MAGI2: variants seen among roughly 807,000 people sequenced by gnomAD.
MAGI2 encodes the protein membrane associated guanylate kinase, WW and PDZ domain containing 2.
A neutral mutation model predicts 133.3 loss-of-function variants in MAGI2; 35 were observed. That is an observed-to-expected ratio of 0.26 (90% confidence interval 0.20 to 0.35). The LOEUF (loss-of-function observed/expected upper bound fraction) is 0.35, where lower values mean the gene tolerates loss of function less well. Ranked by LOEUF, MAGI2 falls within the 10% of genes least tolerant of loss-of-function variation. The pLI is 1.00. For synonymous variants in MAGI2, 729 were observed against 710.6 expected (o/e 1.03, Z -0.41); for missense variants, 1,636 against 1,863.4 (o/e 0.88, Z 2.25).
intron 6 of MAGI2, among the ~76,000 whole-genome samples, chr7:78,487,591 A>G (rs1451234913): frequency 6.6e-6 from 1 of 152,070 alleles, no homozygotes; most frequent in Non-Finnish European, 1.5e-5. Flanking sequence ...AATGTTTGCC[A>G]ACCTGCACTA....
chr7:78,499,055 AAACAACAACAACAACAAC>A (rs147914906), intron 5 of MAGI2, among the ~76,000 whole-genome samples: 2 of 150,366 alleles, frequency 1.3e-5, no homozygotes, highest in Non-Finnish European at 3.0e-5. Flanking sequence ...CTACAAACTC[AAACAACAACAACAACAAC>A]AACAACAACA....
At chr7:78,654,176 A>G (rs1373406667) in intron 2 of MAGI2, among the ~76,000 whole-genome samples, 1 of 152,192 alleles carries the variant, frequency 6.6e-6, no homozygotes, top group African/African-American at 2.4e-5. Context: ...CTGCCTGGGT[A>G]CAAACCCTGG....
chr7:79,325,247 C>G (rs1179625805), intron 1 of MAGI2, among the ~76,000 whole-genome samples: 1 of 152,044 alleles, frequency 6.6e-6, no homozygotes, highest in Non-Finnish European at 1.5e-5. Flanking sequence ...ACCCTCCACT[C>G]CCACCATCTT....
intron 1 of MAGI2, among the ~76,000 whole-genome samples, chr7:79,064,749 C>G (rs755322994): frequency 3.9e-5 from 6 of 152,042 alleles, no homozygotes; most frequent in Admixed American, 6.6e-5. Context: ...TTAGCAGGGT[C>G]ATTTAGCTTG....
At chr7:78,992,174 CTG>C (rs1337861192) in intron 2 of MAGI2, among the ~76,000 whole-genome samples, 5 of 152,004 alleles carry the variant, frequency 3.3e-5, no homozygotes, top group African/African-American at 4.8e-5. Context: ...TAGACCTTAA[CTG>C]TGATACAGAG....
At chr7:78,204,156 A>G (rs1419444840) in intron 10 of MAGI2, among the ~76,000 whole-genome samples, 2 of 152,136 alleles carry the variant, frequency 1.3e-5, no homozygotes, top group Admixed American at 6.6e-5. Flanking sequence ...GAATTTCCAC[A>G]CTCCATGTGA....
At chr7:78,469,356 G>A (rs1584279255) in intron 6 of MAGI2, among the ~76,000 whole-genome samples, 1 of 152,114 alleles carries the variant, frequency 6.6e-6, no homozygotes, top group African/African-American at 2.4e-5. Flanking sequence ...CTAGAGAGCA[G>A]AGAGAGTCTC....
chr7:78,078,633 G>C, intron 21 of MAGI2: 1 of 492,860 alleles, frequency 2.0e-6, no homozygotes, highest in Non-Finnish European at 3.5e-6. Context: ...AATTGTAACA[G>C]TTCTAATATT....
chr7:78,336,058 T>A (rs997622965), intron 9 of MAGI2, among the ~76,000 whole-genome samples: 1 of 152,152 alleles, frequency 6.6e-6, no homozygotes, highest in African/African-American at 2.4e-5. Flanking sequence ...CCAAAAGAAT[T>A]GTCTAAAAGA....
At chr7:78,720,284 G>A (rs980451809) in intron 2 of MAGI2, among the ~76,000 whole-genome samples, 2 of 152,078 alleles carry the variant, frequency 1.3e-5, no homozygotes, top group African/African-American at 4.8e-5. Flanking sequence ...AACACTGAAT[G>A]CTTCCTATGT....
chr7:78,649,476 C>T (rs1387958068), intron 2 of MAGI2, among the ~76,000 whole-genome samples: 3 of 152,026 alleles, frequency 2.0e-5, no homozygotes, highest in Non-Finnish European at 4.4e-5. Flanking sequence ...CATGTGGAGA[C>T]AGCCGCTAAA....
intron 6 of MAGI2, among the ~76,000 whole-genome samples, chr7:78,401,906 C>T (rs146513991): frequency 6.6e-6 from 1 of 150,834 alleles, no homozygotes; most frequent in East Asian, 2.0e-4. Context: ...TTCCCTCCTT[C>T]CCAGATAACA....
In MAGI2 at chr7:78,019,069, T is replaced by C; in HGVS notation, c.*246A>G. On this transcript the variant is annotated 3_prime_UTR_variant, in exon 22 of 22. Transcript: ENST00000354212. ...CTCTGTGATGTTCTTCACGTTATTT[T>C]GGTTCTTCCATAGCTGCCAAAGCCC... 1 of 456,892 alleles carries C rather than the reference T, an allele frequency of 2.2e-6. No homozygotes were observed. The highest frequency in any genetic ancestry group is 3.9e-6 in the Non-Finnish European group (1 of 258,976). The allele number at this position is 456,892 out of a possible 1,614,324, so 28.3% of individuals were successfully genotyped here. A position where few individuals can be genotyped will look rare whatever the true frequency, so the allele number is the denominator to read the frequency against.
chr7:78,478,151 C>A lies in MAGI2; in HGVS notation c.1045+11610G>T, dbSNP rs765969975. On this transcript the variant is annotated intron_variant, in intron 6 of 21. Transcript: ENST00000354212. ...ATGTGTTCTCATTGTTCAACTCCCACTTATGAGTGATTTGGTATTTGGTAT... is the reference window on the plus strand; with the variant it reads ...ATGTGTTCTCATTGTTCAACTCCCAATTATGAGTGATTTGGTATTTGGTAT... Among the ~76,000 whole-genome samples, 4 of 151,746 alleles carry A rather than the reference C, an allele frequency of 2.6e-5. No homozygotes were observed. The South Asian group carries it at 8.3e-4, about 32-fold the overall frequency.
intron 1 of MAGI2, among the ~76,000 whole-genome samples, chr7:79,434,708 T>G (rs1848021043): frequency 6.6e-6 from 1 of 152,186 alleles, no homozygotes; most frequent in South Asian, 2.1e-4. Flanking sequence ...TGTTTATTAG[T>G]TATGGACAGA....
intron 2 of MAGI2, among the ~76,000 whole-genome samples, chr7:78,981,619 C>A (rs185252652): frequency 3.0e-4 from 45 of 151,614 alleles, no homozygotes; most frequent in African/African-American, 9.7e-4. Flanking sequence ...TTGTTGCATC[C>A]GACTTTTTCA....
At chr7:78,990,905 TACACACACAC>T (rs140828645) in intron 2 of MAGI2, among the ~76,000 whole-genome samples, 74 of 141,492 alleles carry the variant, frequency 5.2e-4, no homozygotes, top group African/African-American at 1.6e-3. Flanking sequence ...TATATGTACA[TACACACACAC>T]ACACACACAC....
At chr7:78,828,594 G>T (rs1220846072) in intron 2 of MAGI2, among the ~76,000 whole-genome samples, 1 of 152,182 alleles carries the variant, frequency 6.6e-6, no homozygotes, top group South Asian at 2.1e-4. Context: ...AACAGAAAAA[G>T]AACATTAAGT....
intron 3 of MAGI2, among the ~76,000 whole-genome samples, chr7:78,545,164 C>A (rs1798720747): frequency 6.6e-6 from 1 of 150,950 alleles, no homozygotes; most frequent in Admixed American, 6.6e-5. Context: ...GTCTTCAGCA[C>A]CTTATACTAA....
Sources: gnomAD v4.1 joint callset for allele counts (sites outside exome capture counted in the v4.1 genomes callset) on GRCh38, gnomAD v4.1.1 for gene constraint, MANE v1.5 for transcripts, NCBI Gene and HGNC (gene_info 2026-07-23, HGNC 2026-07-21) for gene names.